The following GABRA3 variants were observed in gnomAD, a reference collection of about 807,000 sequenced individuals.
The protein encoded by GABRA3 is gamma-aminobutyric acid type A receptor subunit alpha3.
In GABRA3, 10 loss-of-function variants were observed where a neutral mutation model predicts 30.1. The observed-to-expected ratio is 0.33, with a 90% CI of 0.20 to 0.56. The LOEUF is 0.56. Ranked by LOEUF, GABRA3 falls within the 20% of genes least tolerant of loss-of-function variation. GABRA3 has a pLI of 0.89. For missense variants in GABRA3, 233 were observed against 392.0 expected, an observed-to-expected ratio of 0.59 and a Z score of 3.42; for synonymous variants, 151 against 146.8, an observed-to-expected ratio of 1.03 and a Z score of -0.21.
At chrX:152,374,086 G>C (rs1421767428) in intron 1 of GABRA3, among the ~76,000 whole-genome samples, 1 of 110,599 alleles carries the variant, frequency 9.0e-6, no homozygotes, top group Non-Finnish European at 1.9e-5. Flanking sequence ...TCATATGTTT[G>C]TTGGCCACAT....
intron 6 of GABRA3, among the ~76,000 whole-genome samples, chrX:152,224,427 G>A (rs1205760722): frequency 8.9e-6 from 1 of 111,866 alleles, no homozygotes; most frequent in Admixed American, 9.5e-5. Context: ...CTTGTCCTTA[G>A]GTAGCTGTGA....
chrX:152,315,866 C>A (rs1820304948), intron 3 of GABRA3, among the ~76,000 whole-genome samples: 1 of 107,386 alleles, frequency 9.3e-6, no homozygotes, highest in Admixed American at 1.0e-4. Context: ...AGAGTCTGAG[C>A]TCAGACACAC....
intron 1 of GABRA3, among the ~76,000 whole-genome samples, chrX:152,441,851 G>A (rs1380696623): frequency 8.9e-6 from 1 of 111,812 alleles, no homozygotes; most frequent in Non-Finnish European, 1.9e-5. Flanking sequence ...AGAACTAAGT[G>A]TAAAGAAAAT....
chrX:152,437,739 G>A (rs1930811868), intron 1 of GABRA3, among the ~76,000 whole-genome samples: 1 of 111,870 alleles, frequency 8.9e-6, no homozygotes, highest in Non-Finnish European at 1.9e-5. Context: ...CCTTGACAAA[G>A]AAGCAAAGAT....
intron 1 of GABRA3, among the ~76,000 whole-genome samples, chrX:152,373,522 T>C (rs1928898424): frequency 8.9e-6 from 1 of 112,145 alleles, no homozygotes; most frequent in Non-Finnish European, 1.9e-5. Flanking sequence ...GTATTCCTTT[T>C]CCTCTGCAAC....
intron 7 of GABRA3, among the ~76,000 whole-genome samples, chrX:152,204,281 C>T (rs1350706346): frequency 9.0e-6 from 1 of 111,608 alleles, no homozygotes; most frequent in Non-Finnish European, 1.9e-5. Context: ...ATGGGAACTG[C>T]TCCTTTTCAG....
In GABRA3 at chrX:152,249,724, G is replaced by A. The variant is rs1938519988; in HGVS notation, c.551+6054C>T. 2.7e-5 allele frequency among the ~76,000 whole-genome samples: 3 copies of A among 110,947 alleles called. No individual in the cohort carries two copies. In the Admixed American group the frequency reaches 2.9e-4, roughly 11 times the overall value. On this transcript the variant is annotated intron_variant, in intron 5 of 9. Transcript: ENST00000370314. ...CACTGTACTCTGGTCCAATCACACT[G>A]AACTTTTAGTCCTTCAATGTATCAT... is the stretch of plus-strand genomic sequence containing the variant.
chrX:152,255,005 A>T (rs1470328318), intron 5 of GABRA3, among the ~76,000 whole-genome samples: 1 of 111,983 alleles, frequency 8.9e-6, no homozygotes, highest in African/African-American at 3.2e-5. Flanking sequence ...GCAAAATTCA[A>T]TGCCTAATAA....
intron 5 of GABRA3, among the ~76,000 whole-genome samples, chrX:152,237,841 T>G (rs1211803166): frequency 5.5e-5 from 6 of 109,295 alleles, no homozygotes; most frequent in African/African-American, 2.0e-4. Flanking sequence ...TACATTGATT[T>G]TGTATCCTGA....
At chrX:152,194,203 G>T (rs926938776) in intron 8 of GABRA3, among the ~76,000 whole-genome samples, 2 of 110,939 alleles carry the variant, frequency 1.8e-5, no homozygotes, top group Non-Finnish European at 3.8e-5. Context: ...AGCCATTCTA[G>T]TATTTAAAGT....
intron 6 of GABRA3, among the ~76,000 whole-genome samples, chrX:152,223,061 G>A (rs2124380009): frequency 9.0e-6 from 1 of 111,436 alleles, no homozygotes; most frequent in East Asian, 2.9e-4. Context: ...TCAAATCATT[G>A]CTGTTTCTTC....
intron 3 of GABRA3, among the ~76,000 whole-genome samples, chrX:152,329,427 T>C (rs912772504): frequency 6.3e-5 from 7 of 111,690 alleles, no homozygotes; most frequent in African/African-American, 1.3e-4. Context: ...GGAGGCATCA[T>C]GCTACCCGAC....
intron 3 of GABRA3, among the ~76,000 whole-genome samples, chrX:152,300,049 C>A (rs973909384): frequency 7.2e-5 from 8 of 111,877 alleles, no homozygotes; most frequent in Non-Finnish European, 1.5e-4. Flanking sequence ...GTGTTTGAGG[C>A]CCCACAAATA....
chrX:152,368,380 A>T (rs1365298959), intron 1 of GABRA3, among the ~76,000 whole-genome samples: 3 of 111,439 alleles, frequency 2.7e-5, no homozygotes, highest in Non-Finnish European at 5.6e-5. Context: ...TGTAAGTGGC[A>T]TCATGAGGTA....
At chrX:152,356,181 C>A (rs1940546325) in intron 2 of GABRA3, among the ~76,000 whole-genome samples, 1 of 111,811 alleles carries the variant, frequency 8.9e-6, no homozygotes, top group Admixed American at 9.5e-5. Context: ...GCATTTTAGG[C>A]ACTATTCCCA....
At chrX:152,199,236 G>A (rs1038230370) in intron 7 of GABRA3, among the ~76,000 whole-genome samples, 1 of 105,530 alleles carries the variant, frequency 9.5e-6, no homozygotes, top group Non-Finnish European at 2.0e-5. Context: ...TGTGGTGGCG[G>A]GCACCTGTAG....
intron 9 of GABRA3, among the ~76,000 whole-genome samples, chrX:152,180,042 T>C (rs1415477805): frequency 8.9e-6 from 1 of 112,098 alleles, no homozygotes; most frequent in East Asian, 2.8e-4. Context: ...CATACTTCTT[T>C]GACATACTGA....
intron 1 of GABRA3, among the ~76,000 whole-genome samples, chrX:152,388,897 C>T (rs1294347389): frequency 9.2e-6 from 1 of 108,185 alleles, no homozygotes; most frequent in African/African-American, 3.5e-5. Flanking sequence ...GCAAGGCATG[C>T]AACAGTAGAC....
chrX:152,325,004 A>G (rs1940029347), intron 3 of GABRA3, among the ~76,000 whole-genome samples: 1 of 111,651 alleles, frequency 9.0e-6, no homozygotes, highest in African/African-American at 3.3e-5. Flanking sequence ...GTAAAATGGG[A>G]GAGGTGATAG....
Sources: gnomAD v4.1 joint callset for allele counts (sites outside exome capture counted in the v4.1 genomes callset) on GRCh38, gnomAD v4.1.1 for gene constraint, MANE v1.5 for transcripts, NCBI Gene and HGNC (gene_info 2026-07-23, HGNC 2026-07-21) for gene names.